Variants in JAZF1 observed in about 807,000 individuals in gnomAD.
JAZF1 encodes JAZF zinc finger 1, also known as juxtaposed with another zinc finger protein 1.
In JAZF1, 8 loss-of-function variants were observed where a neutral mutation model predicts 26.4. That is an observed-to-expected ratio of 0.30 (90% CI 0.18 to 0.55). The LOEUF (loss-of-function observed/expected upper bound fraction) is 0.55. JAZF1 is among the 20% of genes least tolerant of loss of function. The pLI is 0.94. For missense variants in JAZF1, 199 were observed against 322.0 expected, an observed-to-expected ratio of 0.62 and a Z score of 2.92; for synonymous variants, 126 against 122.3, an observed-to-expected ratio of 1.03 and a Z score of -0.20.
intron 1 of JAZF1, among the ~76,000 whole-genome samples, chr7:28,059,892 T>C (rs1783770900): frequency 6.6e-6 from 1 of 152,222 alleles, no homozygotes; most frequent in Admixed American, 6.5e-5. Flanking sequence ...TTTGTCATGG[T>C]GCTCTGCTAT....
At chr7:28,032,926 C>T (rs994243383) in intron 1 of JAZF1, among the ~76,000 whole-genome samples, 3 of 152,156 alleles carry the variant, frequency 2.0e-5, no homozygotes, top group African/African-American at 4.8e-5. Context: ...CCAGCAACTC[C>T]CCTCAGCTCC....
chr7:27,912,850 GAA>G (rs1784381020), intron 2 of JAZF1, among the ~76,000 whole-genome samples: 1 of 152,076 alleles, frequency 6.6e-6, no homozygotes, highest in Non-Finnish European at 1.5e-5. Context: ...TGACAGCTGG[GAA>G]AAGACTGGAG....
chr7:27,969,829 T>C (rs1201980648), intron 2 of JAZF1, among the ~76,000 whole-genome samples: 2 of 152,226 alleles, frequency 1.3e-5, no homozygotes, highest in Non-Finnish European at 2.9e-5. Context: ...ACACAGGCCT[T>C]GCCTTGGCCA....
At position 28,180,452 on chromosome 7, in the gene JAZF1, G is replaced by A. The variant is rs1385981411; in HGVS notation, c.115+11C>T. 6.5e-7 allele frequency: 1 copy of A among 1,547,414 alleles called. No homozygotes were observed. The highest frequency in any genetic ancestry group is 1.1e-5 in the South Asian group (1 of 90,082). ...GCGCCTGGCACCCCCGCCCACCCCC[G>A]GGCCATTTACCGATGTGGTTGTCCT... is the stretch of plus-strand genomic sequence containing the variant. On this transcript the variant is annotated intron_variant, in intron 1 of 4. Transcript: ENST00000283928.
intron 1 of JAZF1, among the ~76,000 whole-genome samples, chr7:28,110,577 G>A (rs867892175): frequency 7.0e-5 from 8 of 114,218 alleles, no homozygotes; most frequent in East Asian, 6.7e-4. Flanking sequence ...AAAAGGGAAA[G>A]GGAAAAGGAA....
chr7:27,919,033 T>C (rs1361203453), intron 2 of JAZF1, among the ~76,000 whole-genome samples: 2 of 152,238 alleles, frequency 1.3e-5, no homozygotes, highest in Admixed American at 6.5e-5. Flanking sequence ...CAAAGTATCA[T>C]GGTTCTTAAA....
intron 1 of JAZF1, among the ~76,000 whole-genome samples, chr7:28,079,287 C>T (rs576128158): frequency 3.3e-5 from 5 of 152,296 alleles, no homozygotes; most frequent in Admixed American, 6.5e-5. Flanking sequence ...GCCAACCACA[C>T]CCGGCCATGC....
intron 1 of JAZF1, among the ~76,000 whole-genome samples, chr7:28,019,543 C>T: frequency 6.6e-6 from 1 of 152,132 alleles, no homozygotes; most frequent in South Asian, 2.1e-4. Context: ...CTCTGCTTTG[C>T]TGCCCCTCCA....
At chr7:28,007,326 G>T (rs757706314) in intron 1 of JAZF1, among the ~76,000 whole-genome samples, 1 of 152,076 alleles carries the variant, frequency 6.6e-6, no homozygotes, top group Non-Finnish European at 1.5e-5. Flanking sequence ...AAAATTAGCC[G>T]GGTGTGGTGA....
At position 27,914,344 on chromosome 7, in the gene JAZF1, C is replaced by T. The variant is rs566212071; in HGVS notation, c.189-18928G>A. ...CCTGGAATAGGCACCTGAGGGAGGG[C>T]ACAAAAAATTCTAAAGCCAACTGTG... On this transcript the variant is annotated intron_variant, in intron 2 of 4. Transcript: ENST00000283928. Among the ~76,000 whole-genome samples the T allele has an allele frequency of 4.6e-5, 7 of 152,154 alleles. No individual in the cohort carries two copies. The East Asian group carries it at 1.4e-3, about 29-fold the overall frequency.
chr7:28,139,152 C>G (rs1012182887), intron 1 of JAZF1, among the ~76,000 whole-genome samples: 42 of 152,278 alleles, frequency 2.8e-4, no homozygotes, highest in African/African-American at 9.9e-4. Context: ...GATTTTGTAT[C>G]CTCCTGTCAG....
chr7:27,974,310 C>A (rs527986184), intron 2 of JAZF1, among the ~76,000 whole-genome samples: 3 of 151,960 alleles, frequency 2.0e-5, no homozygotes, highest in Admixed American at 6.6e-5. Flanking sequence ...ATGCTAGGGA[C>A]GAAACTTAGG....
chr7:28,149,988 A>T lies in JAZF1; in HGVS notation c.115+30475T>A, dbSNP rs112947947. ...CTGCAAGAAGGTTTTACCTTCCTCT[A>T]TTCCCTTGCCAGGAGCACCCTGACA... On this transcript the variant is annotated intron_variant, in intron 1 of 4. Coordinates refer to ENST00000283928, the MANE Select transcript of JAZF1 (RefSeq NM_175061.4). Among the ~76,000 whole-genome samples, 4 of 152,310 alleles carry T rather than the reference A, an allele frequency of 2.6e-5. 1 individual carries two copies. The highest frequency in any genetic ancestry group is 9.6e-5 in the African/African-American group (4 of 41,572).
At chr7:27,853,976 A>C (rs1783197163) in intron 3 of JAZF1, among the ~76,000 whole-genome samples, 1 of 152,190 alleles carries the variant, frequency 6.6e-6, no homozygotes, top group African/African-American at 2.4e-5. Context: ...GGAGTGTTAA[A>C]GTCTCCCACT....
chr7:27,868,082 C>T (rs11972512), intron 3 of JAZF1, among the ~76,000 whole-genome samples: 1,927 of 152,276 alleles, frequency 0.013, 38 homozygotes, highest in African/African-American at 0.043. Flanking sequence ...CTACAGAGCC[C>T]ACTTCAGAGG....
chr7:28,076,937 G>A (rs377584434), intron 1 of JAZF1, among the ~76,000 whole-genome samples: 25 of 152,188 alleles, frequency 1.6e-4, no homozygotes, highest in African/African-American at 3.9e-4. Flanking sequence ...TGCTCTCTGC[G>A]GCTGAGTACT....
In JAZF1 at chr7:27,888,844, A is replaced by C. The variant is rs539335400; in HGVS notation, c.385+6376T>G. Among the ~76,000 whole-genome samples the C allele has an allele frequency of 3.3e-5, 5 of 152,260 alleles. No homozygotes were observed. In the East Asian group the frequency reaches 7.7e-4, roughly 24 times the overall value. On this transcript the variant is annotated intron_variant, in intron 3 of 4. Transcript: ENST00000283928. ...GTTTAATACTTGAATTTTCCCCCCC[A>C]GAGTGCGCCAAAATATATATACAAA...
At chr7:27,965,845 T>C (rs1785266064) in intron 2 of JAZF1, among the ~76,000 whole-genome samples, 2 of 152,210 alleles carry the variant, frequency 1.3e-5, no homozygotes, top group South Asian at 2.1e-4. Context: ...GTTTGTCTTG[T>C]TCCATCTCTA....
At chr7:28,082,765 A>G (rs1308388045) in intron 1 of JAZF1, among the ~76,000 whole-genome samples, 1 of 152,038 alleles carries the variant, frequency 6.6e-6, no homozygotes, top group Non-Finnish European at 1.5e-5. Flanking sequence ...GAACATCACC[A>G]AAGTCCACTT....
Sources: gnomAD v4.1 joint callset for allele counts (sites outside exome capture counted in the v4.1 genomes callset) on GRCh38, gnomAD v4.1.1 for gene constraint, MANE v1.5 for transcripts, NCBI Gene and HGNC (gene_info 2026-07-23, HGNC 2026-07-21) for gene names.